Variants in ANAPC1 observed in about 807,000 individuals in gnomAD.
The protein encoded by ANAPC1 is anaphase-promoting complex subunit 1.
ANAPC1 carries 36 observed loss-of-function variants against 208.0 expected under a neutral mutation model. The ratio of observed to expected loss-of-function variants is 0.17; its 90% CI spans 0.13 to 0.23. The LOEUF (loss-of-function observed/expected upper bound fraction) is 0.23. Among genes scored for constraint, ANAPC1 ranks in the 10% least tolerant of loss-of-function variants. ANAPC1 has a pLI of 1.00. For synonymous variants in ANAPC1, 378 were observed against 695.2 expected, an observed-to-expected ratio of 0.54 and a Z score of 7.18; for missense variants, 942 against 2,011.6, an observed-to-expected ratio of 0.47 and a Z score of 10.17.
chr2:111,849,918 T>C (rs13389126), intron 14 of ANAPC1, among the ~76,000 whole-genome samples: 85,741 of 148,620 alleles, frequency 0.58, 25,736 homozygotes, highest in South Asian at 0.69. Flanking sequence ...ACCACCTTTT[T>C]ATCCTTTCTG....
intron 19 of ANAPC1, among the ~76,000 whole-genome samples, chr2:111,833,681 T>TAAAAAAAA (rs372311361): frequency 1.4e-4 from 12 of 85,996 alleles, no homozygotes; most frequent in African/African-American, 5.8e-4. Context: ...ATAAAATATG[T>TAAAAAAAA]AAAAAAAAAA....
chr2:111,777,033 C>T lies in ANAPC1; in HGVS notation c.5410G>A (p.Glu1804Lys). The T allele has an allele frequency of 1.9e-6, 1 of 536,796 alleles. No individual in the cohort carries two copies. Among genetic ancestry groups the T allele is most frequent in the Non-Finnish European group, 3.3e-6 (1 of 303,912 alleles). 33.3% of individuals were successfully genotyped at this position (536,796 alleles called of 1,614,324 possible). A position where few individuals can be genotyped will look rare whatever the true frequency, so the allele number is the denominator to read the frequency against. Residue 1804 changes from glutamate to lysine, a missense_variant, in exon 46 of 48, where the codon GAA (glutamate) becomes AAA (lysine). By Grantham distance (56) the Glu-to-Lys change is moderately conservative (BLOSUM62 1). Coordinates refer to ENST00000341068, the MANE Select transcript of ANAPC1 (RefSeq NM_022662.4). ...DQAIRRLGRR[E>K]MSETSELWQI... ...CAAAGTTCAGAAGTCTCAGACATTT[C>T]TCTTCTCCCAAGTCTTCTTATAGCC...
intron 10 of ANAPC1, 140 bp from the exon 11 acceptor site, chr2:111,858,541 A>T: frequency 2.0e-6 from 1 of 489,362 alleles, no homozygotes. Context: ...CGGGCAGATC[A>T]CGAGGTCAGG....
intron 20 of ANAPC1, among the ~76,000 whole-genome samples, chr2:111,832,305 G>GAAA (rs11431305): frequency 5.3e-4 from 40 of 75,734 alleles, no homozygotes; most frequent in Admixed American, 5.9e-4. Flanking sequence ...CCTGTCTCAA[G>GAAA]AAAAAAAAAA....
chr2:111,877,640 C>G (rs7589696), intron 3 of ANAPC1, among the ~76,000 whole-genome samples: 1 of 151,684 alleles, frequency 6.6e-6, no homozygotes, highest in African/African-American at 2.4e-5. Context: ...CAAAATTAGC[C>G]GGGTGTGGTG....
intron 34 of ANAPC1, 93 bp downstream of exon 34, chr2:111,800,704 A>G (rs1678398543): frequency 6.3e-6 from 2 of 317,874 alleles, no homozygotes; most frequent in Non-Finnish European, 1.1e-5. Flanking sequence ...TATTGCCTTC[A>G]TAAGAAAAAA....
chr2:111,878,414 A>AT (rs1364570458), intron 3 of ANAPC1, among the ~76,000 whole-genome samples: 3 of 152,260 alleles, frequency 2.0e-5, no homozygotes, highest in Admixed American at 6.5e-5. Flanking sequence ...TGCAAAGCAG[A>AT]TTTTTTCCTT....
intron 21 of ANAPC1, among the ~76,000 whole-genome samples, chr2:111,826,872 G>A (rs574199550): frequency 2.6e-5 from 4 of 152,200 alleles, no homozygotes; most frequent in African/African-American, 9.6e-5. Context: ...TGTTGGCCAG[G>A]ATGGTCTCGA....
In ANAPC1 at chr2:111,831,878, T is replaced by C. The variant is rs539639477; in HGVS notation, c.2477-444A>G. Reference sequence around the variant, plus strand: ...CGTTTTTCCATATTCTCCAAAATGCTTCATGTTTTCTGCCACAGTACATAA... The same window carrying C: ...CGTTTTTCCATATTCTCCAAAATGCCTCATGTTTTCTGCCACAGTACATAA... On this transcript the variant is annotated intron_variant, in intron 20 of 47. Coordinates refer to ENST00000341068, the MANE Select transcript of ANAPC1 (RefSeq NM_022662.4). Among the ~76,000 whole-genome samples, 536 of 146,040 alleles carry C rather than the reference T, an allele frequency of 3.7e-3. 3 individuals are homozygous for C. Among genetic ancestry groups the C allele is most frequent in the African/African-American group, 0.011 (429 of 39,588 alleles).
At position 111,863,573 on chromosome 2, in the gene ANAPC1, T is replaced by TC. The variant is rs200693036; in HGVS notation, c.1052+101dup. 1,070 of 935,058 alleles carry TC rather than the reference T, an allele frequency of 1.1e-3. 13 individuals carry two copies. The African/African-American group carries it at 0.017, about 14-fold the overall frequency. The allele number at this position is 935,058 out of a possible 1,614,324, so 57.9% of individuals were successfully genotyped here. On this transcript the variant is annotated intron_variant, in intron 9 of 47. Coordinates refer to ENST00000341068, the MANE Select transcript of ANAPC1 (RefSeq NM_022662.4). The stretch of plus-strand genomic sequence containing the variant: ...ATGGCTATTTCCCCTAAAAAACATC[T>TC]CCCCTAAATATATTTCCCCTAAAAA...
chr2:111,843,344 A>T (rs1680871167), intron 17 of ANAPC1, 68 bp downstream of exon 17: 1 of 1,525,992 alleles, frequency 6.6e-7, no homozygotes, highest in Non-Finnish European at 9.0e-7. Context: ...TCTCAATGTT[A>T]TATTACCAAT....
At chr2:111,786,867 G>A (rs1245682680) in intron 39 of ANAPC1, among the ~76,000 whole-genome samples, 2 of 142,038 alleles carry the variant, frequency 1.4e-5, no homozygotes, top group Non-Finnish European at 3.1e-5. Flanking sequence ...TCTTGTCACC[G>A]GCCAGGCGCA....
intron 16 of ANAPC1, among the ~76,000 whole-genome samples, chr2:111,846,640 A>G (rs13423594): frequency 0.59 from 82,536 of 138,910 alleles, 24,875 homozygotes; most frequent in Middle Eastern, 0.72. Flanking sequence ...CACGATCTCC[A>G]CTCACTGCAA....
chr2:111,816,638 ATTGTC>A (rs1241549526), intron 27 of ANAPC1, among the ~76,000 whole-genome samples: 1 of 145,654 alleles, frequency 6.9e-6, no homozygotes, highest in East Asian at 2.0e-4. Flanking sequence ...TATTTTGAAT[ATTGTC>A]TTAAGTCACG....
intron 39 of ANAPC1, among the ~76,000 whole-genome samples, chr2:111,786,980 C>A (rs1348118232): frequency 6.6e-6 from 1 of 151,458 alleles, no homozygotes; most frequent in Non-Finnish European, 1.5e-5. Flanking sequence ...AACCCCGTCT[C>A]TACTAAAATA....
intron 10 of ANAPC1, among the ~76,000 whole-genome samples, chr2:111,861,343 G>C (rs538510890): frequency 6.6e-6 from 1 of 152,170 alleles, no homozygotes; most frequent in Non-Finnish European, 1.5e-5. Context: ...CCCAAAGTGA[G>C]TGATTACAGG....
chr2:111,849,151 G>A (rs1335851560), intron 14 of ANAPC1, among the ~76,000 whole-genome samples: 2 of 152,146 alleles, frequency 1.3e-5, no homozygotes, highest in Non-Finnish European at 2.9e-5. Flanking sequence ...AAGTCACCAG[G>A]AAAAATTCAG....
At chr2:111,823,303 C>T (rs1438585088) in intron 24 of ANAPC1, among the ~76,000 whole-genome samples, 1 of 151,940 alleles carries the variant, frequency 6.6e-6, no homozygotes, top group African/African-American at 2.4e-5. Context: ...AGGCATGAGC[C>T]ACCGCGCCTG....
chr2:111,872,514 T>C (rs1475742724), intron 6 of ANAPC1, 116 bp downstream of exon 6: 3 of 836,478 alleles, frequency 3.6e-6, no homozygotes, highest in South Asian at 1.7e-5. Flanking sequence ...AAATGGCATA[T>C]ATCTATGCTG....
Sources: allele counts gnomAD v4.1 joint callset (sites outside exome capture counted in the v4.1 genomes callset), GRCh38; gene constraint gnomAD v4.1.1; transcripts MANE v1.5; gene names NCBI Gene and HGNC (gene_info 2026-07-23, HGNC 2026-07-21).